The following RAD51B variants were observed in gnomAD, a reference collection of about 807,000 sequenced individuals.
RAD51B encodes RAD51 paralog B, also known as DNA repair protein RAD51 homolog 2.
Under a neutral mutation model 42.2 loss-of-function variants are expected in RAD51B, and 38 were observed. That is an observed-to-expected ratio of 0.90 (90% confidence interval 0.70 to 1.18). The LOEUF (loss-of-function observed/expected upper bound fraction) is 1.18. Ranked by LOEUF, RAD51B falls within the 50% of genes most tolerant of loss-of-function variation. The probability of loss-of-function intolerance (pLI) is 0.00; values close to 1 mark genes in which losing one functional copy is unlikely to be tolerated. For synonymous variants in RAD51B, 154 were observed against 145.2 expected, an observed-to-expected ratio of 1.06 and a Z score of -0.43; for missense variants, 373 against 400.7, an observed-to-expected ratio of 0.93 and a Z score of 0.59.
chr14:68,401,081 G>C (rs1270907316), intron 8 of RAD51B, among the ~76,000 whole-genome samples: 5 of 152,074 alleles, frequency 3.3e-5, no homozygotes, highest in Non-Finnish European at 7.3e-5. Flanking sequence ...TGCCATCTTT[G>C]AGACCTTGAT....
Position 68,052,516 on chromosome 14 carries a change from C to T in RAD51B, c.756+165312C>T, listed in dbSNP as rs543712352. 7.2e-5 allele frequency among the ~76,000 whole-genome samples: 11 copies of T among 152,192 alleles called. 1 individual carries two copies. The South Asian group carries it at 2.3e-3, about 32-fold the overall frequency. On this transcript the variant is annotated intron_variant, in intron 7 of 10. Coordinates refer to ENST00000471583, the MANE Select transcript of RAD51B (RefSeq NM_133510.4). ...ACTTCCTCTAGTCATTCTTTCCTTA[C>T]TCCAAAGTTTACTTCATCATCTCTA... is the stretch of plus-strand genomic sequence containing the variant.
At chr14:68,107,001 T>C (rs2077386079) in intron 7 of RAD51B, among the ~76,000 whole-genome samples, 1 of 151,870 alleles carries the variant, frequency 6.6e-6, no homozygotes, top group South Asian at 2.1e-4. Flanking sequence ...CAGCATTTTA[T>C]AGCCTGTGAG....
At chr14:68,673,211 A>G (rs928096587) in intron 11 of RAD51B, among the ~76,000 whole-genome samples, 3 of 152,212 alleles carry the variant, frequency 2.0e-5, no homozygotes, top group Non-Finnish European at 4.4e-5. Flanking sequence ...AAACAAGAAA[A>G]ATGATCTGAA....
At chr14:68,456,297 AT>A (rs1324484845) in intron 9 of RAD51B, among the ~76,000 whole-genome samples, 4 of 152,122 alleles carry the variant, frequency 2.6e-5, no homozygotes, top group Non-Finnish European at 5.9e-5. Context: ...TGACAGAATA[AT>A]TTTTTTTAAA....
chr14:68,067,473 A>AAAC (rs1555350215), intron 7 of RAD51B, among the ~76,000 whole-genome samples: 14 of 150,406 alleles, frequency 9.3e-5, no homozygotes, highest in African/African-American at 3.5e-4. Context: ...CGGAAAAAAA[A>AAAC]AAACAAAAAA....
intron 10 of RAD51B, among the ~76,000 whole-genome samples, chr14:68,647,204 T>C (rs928038127): frequency 1.3e-5 from 2 of 152,350 alleles, no homozygotes; most frequent in East Asian, 1.9e-4. Context: ...ATTAATCTAG[T>C]CTACTAATTT....
At chr14:68,413,296 A>G (rs1442912871) in intron 9 of RAD51B, among the ~76,000 whole-genome samples, 1 of 152,214 alleles carries the variant, frequency 6.6e-6, no homozygotes, top group Non-Finnish European at 1.5e-5. Flanking sequence ...GATAAGGTCA[A>G]ATGCAGGCCA....
chr14:68,293,689 C>T (rs2139667039), intron 8 of RAD51B, among the ~76,000 whole-genome samples: 1 of 152,324 alleles, frequency 6.6e-6, no homozygotes, highest in South Asian at 2.1e-4. Context: ...AAGACTGCCT[C>T]TTTCACAGAA....
downstream of RAD51B, among the ~76,000 whole-genome samples, chr14:68,613,516 C>T (rs1194229745): frequency 1.3e-5 from 2 of 150,582 alleles, no homozygotes; most frequent in Non-Finnish European, 3.0e-5. Flanking sequence ...TGCAGTGGCA[C>T]GATCTCAGCT....
intron 8 of RAD51B, among the ~76,000 whole-genome samples, chr14:68,396,988 T>C (rs1410706719): frequency 6.6e-6 from 1 of 152,236 alleles, no homozygotes; most frequent in African/African-American, 2.4e-5. Flanking sequence ...CCAGGTGGCC[T>C]TGGGCAAATC....
intron 7 of RAD51B, among the ~76,000 whole-genome samples, chr14:68,015,587 C>G (rs1343943289): frequency 1.3e-5 from 2 of 152,116 alleles, no homozygotes; most frequent in African/African-American, 4.8e-5. Context: ...TTTATAAAAC[C>G]ATCAGATTTC....
chr14:67,971,458 C>T (rs558261144), intron 7 of RAD51B, among the ~76,000 whole-genome samples: 1 of 152,182 alleles, frequency 6.6e-6, no homozygotes, highest in South Asian at 2.1e-4. Context: ...ATACCATTGA[C>T]TTGCTTTGTA....
chr14:67,939,984 TAAA>T (rs1224670271), intron 7 of RAD51B, among the ~76,000 whole-genome samples: 4 of 105,324 alleles, frequency 3.8e-5, no homozygotes, highest in African/African-American at 1.5e-4. Context: ...TATAAAAAAA[TAAA>T]AAGTATATAT....
At chr14:67,849,134 A>T (rs905669806) in intron 4 of RAD51B, among the ~76,000 whole-genome samples, 1 of 152,180 alleles carries the variant, frequency 6.6e-6, no homozygotes, top group African/African-American at 2.4e-5. Flanking sequence ...ATTTTCTTGA[A>T]TTATTCCATC....
At chr14:68,518,560 C>A (rs12100663) in intron 10 of RAD51B, among the ~76,000 whole-genome samples, 6,816 of 150,402 alleles carry the variant, frequency 0.045, 523 homozygotes, top group African/African-American at 0.15. Flanking sequence ...ATGAGCCCCC[C>A]CCCCAGGCCT....
At chr14:68,372,596 C>T (rs1017853058) in intron 8 of RAD51B, among the ~76,000 whole-genome samples, 5 of 152,094 alleles carry the variant, frequency 3.3e-5, no homozygotes, top group African/African-American at 7.2e-5. Context: ...GAGTACATCA[C>T]AGCAGGATTC....
chr14:68,207,105 T>C (rs534634178), intron 7 of RAD51B, among the ~76,000 whole-genome samples: 40 of 152,250 alleles, frequency 2.6e-4, no homozygotes, highest in Non-Finnish European at 4.6e-4. Flanking sequence ...AGTTCTTTTC[T>C]GGTGGAAATA....
At chr14:68,181,847 G>A (rs777293220) in intron 7 of RAD51B, among the ~76,000 whole-genome samples, 4 of 152,254 alleles carry the variant, frequency 2.6e-5, no homozygotes, top group East Asian at 1.9e-4. Flanking sequence ...AGAATTACAC[G>A]GTGAGTCACT....
At chr14:67,888,864 C>G (rs1041182640) in intron 7 of RAD51B, among the ~76,000 whole-genome samples, 19 of 152,070 alleles carry the variant, frequency 1.2e-4, no homozygotes, top group Non-Finnish European at 2.9e-5. Flanking sequence ...AACCAATCCC[C>G]CATGGATACA....
Sources: gnomAD v4.1 joint callset for allele counts (sites outside exome capture counted in the v4.1 genomes callset) on GRCh38, gnomAD v4.1.1 for gene constraint, MANE v1.5 for transcripts, NCBI Gene and HGNC (gene_info 2026-07-23, HGNC 2026-07-21) for gene names.